BCL2: variants seen among roughly 807,000 people sequenced by gnomAD.
BCL2 encodes apoptosis regulator Bcl-2.
A neutral mutation model predicts 14.2 loss-of-function variants in BCL2; 1 was observed. The observed-to-expected ratio is 0.07, with a 90% CI of 0.02 to 0.33. The LOEUF (loss-of-function observed/expected upper bound fraction) is 0.33, where lower values mean the gene tolerates loss of function less well. Ranked by LOEUF, BCL2 falls within the 10% of genes least tolerant of loss-of-function variation. The pLI is 0.99. For missense variants in BCL2, 247 were observed against 305.9 expected (o/e 0.81, Z 1.44); for synonymous variants, 151 against 137.2 (o/e 1.10, Z -0.70).
At chr18:63,298,004 C>A (rs903356487) in intron 2 of BCL2, among the ~76,000 whole-genome samples, 1 of 152,204 alleles carries the variant, frequency 6.6e-6, no homozygotes, top group South Asian at 2.1e-4. Context: ...GAGAGCTTGG[C>A]TGGGTTTCCA....
intron 2 of BCL2, among the ~76,000 whole-genome samples, chr18:63,271,658 CACCA>C (rs993558296): frequency 2.0e-5 from 3 of 152,200 alleles, no homozygotes; most frequent in South Asian, 2.1e-4. Flanking sequence ...CAAAGCCACA[CACCA>C]ACCAACCAAC....
At chr18:63,144,898 G>A (rs1314586000) in intron 2 of BCL2, among the ~76,000 whole-genome samples, 1 of 152,218 alleles carries the variant, frequency 6.6e-6, no homozygotes, top group Non-Finnish European at 1.5e-5. Context: ...CCTGGGCACT[G>A]TGCAAGGCTG....
intron 2 of BCL2, among the ~76,000 whole-genome samples, chr18:63,307,233 A>C (rs1913170868): frequency 6.6e-6 from 1 of 152,208 alleles, no homozygotes; most frequent in African/African-American, 2.4e-5. Flanking sequence ...ATCCCAACTC[A>C]TATTAAATTT....
intron 2 of BCL2, among the ~76,000 whole-genome samples, chr18:63,267,363 T>C (rs1173842635): frequency 6.6e-6 from 1 of 151,984 alleles, no homozygotes; most frequent in Non-Finnish European, 1.5e-5. Flanking sequence ...GATGAGGCTG[T>C]GAACTAAGGC....
chr18:63,138,512 T>A (rs1177449188), intron 2 of BCL2, among the ~76,000 whole-genome samples: 1 of 152,170 alleles, frequency 6.6e-6, no homozygotes, highest in Non-Finnish European at 1.5e-5. Context: ...CTTGAGCATA[T>A]AACTGAAGGA....
At chr18:63,257,306 A>G (rs1453491637) in intron 2 of BCL2, among the ~76,000 whole-genome samples, 2 of 152,240 alleles carry the variant, frequency 1.3e-5, no homozygotes, top group Non-Finnish European at 2.9e-5. Context: ...TTCAATATGT[A>G]ATGCCAAAGG....
chr18:63,246,313 G>C (rs774930846), intron 2 of BCL2, among the ~76,000 whole-genome samples: 1 of 152,158 alleles, frequency 6.6e-6, no homozygotes, highest in Non-Finnish European at 1.5e-5. Flanking sequence ...TCAAGCCAAA[G>C]AAACAGGTCC....
intron 2 of BCL2, among the ~76,000 whole-genome samples, chr18:63,284,816 C>A (rs1324473690): frequency 7.9e-6 from 1 of 126,384 alleles, no homozygotes; most frequent in Non-Finnish European, 1.9e-5. Flanking sequence ...CGGAGAGGAA[C>A]CACTGGTTTT....
chr18:63,155,455 G>T (rs755774775), intron 2 of BCL2, among the ~76,000 whole-genome samples: 2 of 152,078 alleles, frequency 1.3e-5, no homozygotes, highest in South Asian at 2.1e-4. Context: ...GGCCCTTAGT[G>T]GGGGTGAGCT....
intron 2 of BCL2, among the ~76,000 whole-genome samples, chr18:63,172,653 C>T (rs1049423199): frequency 2.0e-5 from 3 of 151,976 alleles, no homozygotes; most frequent in African/African-American, 4.8e-5. Context: ...TGGTGGCGGG[C>T]GCCTGTAGTC....
intron 2 of BCL2, among the ~76,000 whole-genome samples, chr18:63,223,130 G>A (rs1410453815): frequency 6.6e-6 from 1 of 152,170 alleles, no homozygotes; most frequent in Non-Finnish European, 1.5e-5. Context: ...GGCAGGGCGT[G>A]GTGGCTCACG....
At chr18:63,289,633 C>T (rs1385175336) in intron 2 of BCL2, among the ~76,000 whole-genome samples, 1 of 152,128 alleles carries the variant, frequency 6.6e-6, no homozygotes. Context: ...GTGGCTCATG[C>T]CTATAACCCC....
chr18:63,319,789 G>A (rs1913640435), upstream of BCL2: 2 of 196,858 alleles, frequency 1.0e-5, no homozygotes, highest in African/African-American at 2.3e-5. Context: ...GAGGTGGTGG[G>A]GGAGGGTTTT....
At chr18:63,197,145 C>A (rs1189558669) in intron 2 of BCL2, among the ~76,000 whole-genome samples, 25 of 152,184 alleles carry the variant, frequency 1.6e-4, no homozygotes, top group Admixed American at 1.6e-3. Context: ...CATGTGGCTG[C>A]CAAACACACA....
At position 63,252,787 on chromosome 18, in the gene BCL2, A is replaced by C. The variant is rs531970039; in HGVS notation, c.585+65295T>G. Among the ~76,000 whole-genome samples, 12 of 152,322 alleles carry C rather than the reference A, an allele frequency of 7.9e-5. No individual in the cohort carries two copies. In the South Asian group the frequency reaches 1.0e-3, roughly 13 times the overall value. ...GTCCAGTCTAAGGTATATCTTTATC[A>C]ACAGCGTGAAAACAGACTAATACAC... On this transcript the variant is annotated intron_variant, in intron 2 of 2. Transcript: ENST00000333681.
At chr18:63,216,852 T>A (rs1002512913) in intron 2 of BCL2, among the ~76,000 whole-genome samples, 1 of 152,212 alleles carries the variant, frequency 6.6e-6, no homozygotes, top group Non-Finnish European at 1.5e-5. Flanking sequence ...AAATCTACGA[T>A]CCATGTTAGG....
At chr18:63,174,190 T>C (rs918336814) in intron 2 of BCL2, among the ~76,000 whole-genome samples, 1 of 152,226 alleles carries the variant, frequency 6.6e-6, no homozygotes, top group Non-Finnish European at 1.5e-5. Context: ...TACTCTTTTG[T>C]TCCTCATTTT....
chr18:63,210,098 C>T (rs1909958736), intron 2 of BCL2, among the ~76,000 whole-genome samples: 1 of 152,120 alleles, frequency 6.6e-6, no homozygotes, highest in Non-Finnish European at 1.5e-5. Flanking sequence ...CTTGAGGAAG[C>T]TAAAGACATG....
chr18:63,242,777 T>C (rs1448910153), intron 2 of BCL2, among the ~76,000 whole-genome samples: 3 of 152,198 alleles, frequency 2.0e-5, no homozygotes, highest in African/African-American at 7.2e-5. Flanking sequence ...AAATTTCAAA[T>C]TGCTGAAAAT....
Sources: allele counts gnomAD v4.1 joint callset (sites outside exome capture counted in the v4.1 genomes callset), GRCh38; gene constraint gnomAD v4.1.1; transcripts MANE v1.5; gene names NCBI Gene and HGNC (gene_info 2026-07-23, HGNC 2026-07-21).